The following STK33 variants were observed in gnomAD, a reference collection of about 807,000 sequenced individuals.
STK33 encodes serine/threonine kinase 33, also known as serine/threonine-protein kinase 33.
STK33 carries 52 observed loss-of-function variants against 58.0 expected under a neutral mutation model. The ratio of observed to expected loss-of-function variants is 0.90; its 90% CI spans 0.72 to 1.13. The LOEUF (loss-of-function observed/expected upper bound fraction) is 1.13. Ranked by LOEUF, STK33 falls within the 50% of genes most tolerant of loss-of-function variation. The pLI, the probability that STK33 is intolerant of heterozygous loss-of-function variation, is 0.00. For missense variants in STK33, 630 were observed against 604.2 expected, an observed-to-expected ratio of 1.04 and a Z score of -0.45; for synonymous variants, 215 against 200.1, an observed-to-expected ratio of 1.07 and a Z score of -0.63.
chr11:8,495,072 AAC>A (rs1193275592), intron 1 of STK33, among the ~76,000 whole-genome samples: 13 of 152,220 alleles, frequency 8.5e-5, no homozygotes, highest in Non-Finnish European at 2.9e-5. Context: ...CAGCAATGGC[AAC>A]AAAAGCCGAA....
intron 15 of STK33, among the ~76,000 whole-genome samples, chr11:8,402,570 C>T (rs1433677258): frequency 1.3e-5 from 2 of 152,120 alleles, no homozygotes; most frequent in African/African-American, 4.8e-5. Flanking sequence ...ACATATGTAA[C>T]AAACCTGCAT....
chr11:8,578,606 T>TCA (rs141622141), intron 1 of STK33, among the ~76,000 whole-genome samples: 1,937 of 150,960 alleles, frequency 0.013, 41 homozygotes, highest in African/African-American at 0.043. Flanking sequence ...TACGTGTAAT[T>TCA]CACACACACA....
At chr11:8,463,242 C>A (rs543350071) in intron 7 of STK33, among the ~76,000 whole-genome samples, 1 of 152,240 alleles carries the variant, frequency 6.6e-6, no homozygotes, top group South Asian at 2.1e-4. Context: ...ACCAGGGTTG[C>A]GGGAGAGGGC....
chr11:8,572,064 T>A (rs1036757579), intron 1 of STK33, among the ~76,000 whole-genome samples: 1 of 149,598 alleles, frequency 6.7e-6, no homozygotes, highest in African/African-American at 2.4e-5. Flanking sequence ...AATTTTAAAA[T>A]TAAAAATTAA....
At chr11:8,457,773 C>G (rs1316716441) in intron 8 of STK33, among the ~76,000 whole-genome samples, 1 of 152,070 alleles carries the variant, frequency 6.6e-6, no homozygotes, top group Non-Finnish European at 1.5e-5. Context: ...TAAAGAATGC[C>G]CCTTGAGAAG....
At chr11:8,451,336 G>A (rs1404316234) in intron 11 of STK33, among the ~76,000 whole-genome samples, 1 of 152,140 alleles carries the variant, frequency 6.6e-6, no homozygotes, top group Non-Finnish European at 1.5e-5. Context: ...AAATCCACAT[G>A]TGCATCAGGG....
At chr11:8,401,983 TGTGGAG>T in intron 15 of STK33, among the ~76,000 whole-genome samples, 1 of 152,264 alleles carries the variant, frequency 6.6e-6, no homozygotes, top group Non-Finnish European at 1.5e-5. Flanking sequence ...CTGGAGAAGA[TGTGGAG>T]AAATAGGAAC....
At chr11:8,375,439 A>G in the STK33 span, among the ~76,000 whole-genome samples, 2 of 152,334 alleles carry the variant, frequency 1.3e-5, no homozygotes, top group African/African-American at 4.8e-5. Flanking sequence ...TACTCCTGGA[A>G]CTTGTGTTAA....
intron 14 of STK33, among the ~76,000 whole-genome samples, chr11:8,433,167 T>G (rs1943614327): frequency 6.6e-6 from 1 of 152,208 alleles, no homozygotes; most frequent in South Asian, 2.1e-4. Context: ...AAATAACTGT[T>G]GCACAGAATC....
the STK33 span, among the ~76,000 whole-genome samples, chr11:8,368,143 C>CA: frequency 6.6e-6 from 1 of 152,122 alleles, no homozygotes; most frequent in Non-Finnish European, 1.5e-5. Flanking sequence ...GGACCCACTT[C>CA]AAAAACCTCA....
intron 1 of STK33, chr11:8,565,849 T>A (rs1591819923): frequency 1.3e-5 from 2 of 152,270 alleles, no homozygotes; most frequent in East Asian, 3.9e-4. Flanking sequence ...CCACCAACAA[T>A]CCCCTGGGTT....
At chr11:8,466,617 T>C (rs1315084691) in intron 6 of STK33, 1 of 152,194 alleles carries the variant, frequency 6.6e-6, no homozygotes, top group Non-Finnish European at 1.5e-5. Flanking sequence ...CTGTGGCCTT[T>C]CCAGGTGCAT....
the STK33 span, among the ~76,000 whole-genome samples, chr11:8,365,320 G>A: frequency 3.3e-5 from 5 of 152,146 alleles, no homozygotes; most frequent in East Asian, 1.9e-4. Context: ...GAGGGGGCTA[G>A]GAAGCTGACG....
At chr11:8,520,298 T>G (rs1953283022) in intron 1 of STK33, among the ~76,000 whole-genome samples, 1 of 152,230 alleles carries the variant, frequency 6.6e-6, no homozygotes, top group South Asian at 2.1e-4. Context: ...CAGCAGCCCT[T>G]CATGCTAAAA....
intron 15 of STK33, among the ~76,000 whole-genome samples, chr11:8,395,786 A>T (rs1350118932): frequency 6.6e-6 from 1 of 152,192 alleles, no homozygotes; most frequent in African/African-American, 2.4e-5. Context: ...CACGTTCGTA[A>T]GTTTTTCTAC....
chr11:8,489,257 C>CAAAAAA (rs377017514), intron 1 of STK33, among the ~76,000 whole-genome samples: 2 of 64,300 alleles, frequency 3.1e-5, no homozygotes, highest in Non-Finnish European at 5.9e-5. Context: ...AAGCTATCTC[C>CAAAAAA]AAAAAAAAAA....
At chr11:8,359,700 C>A in the STK33 span, among the ~76,000 whole-genome samples, 1 of 152,238 alleles carries the variant, frequency 6.6e-6, no homozygotes, top group Admixed American at 6.5e-5. Context: ...CGGGACAGCA[C>A]TGCCCTGCAA....
chr11:8,511,341 C>T (rs995702659), intron 1 of STK33, among the ~76,000 whole-genome samples: 1 of 152,102 alleles, frequency 6.6e-6, no homozygotes, highest in African/African-American at 2.4e-5. Context: ...GATTTTGTAT[C>T]CTGAGACTTT....
intron 2 of STK33, among the ~76,000 whole-genome samples, chr11:8,479,829 T>C (rs7925082): frequency 0.1 from 15,202 of 151,696 alleles, 1,844 homozygotes; most frequent in African/African-American, 0.3. Flanking sequence ...GGTGACAGAG[T>C]AAGACTCTGT....
Sources: allele counts gnomAD v4.1 joint callset (sites outside exome capture counted in the v4.1 genomes callset), GRCh38; gene constraint gnomAD v4.1.1; transcripts MANE v1.5; gene names NCBI Gene and HGNC (gene_info 2026-07-23, HGNC 2026-07-21).